PTPRO: variants seen among roughly 807,000 people sequenced by gnomAD.
PTPRO encodes receptor-type tyrosine-protein phosphatase O.
A neutral mutation model predicts 145.2 loss-of-function variants in PTPRO; 62 were observed. The observed-to-expected ratio is 0.43, with a 90% CI of 0.35 to 0.53. The LOEUF is 0.53. PTPRO is among the 20% of genes least tolerant of loss of function. The pLI is 0.01. For synonymous variants in PTPRO, 565 were observed against 514.7 expected (o/e 1.10, Z -1.32); for missense variants, 1,345 against 1,482.7 (o/e 0.91, Z 1.53).
At chr12:15,393,624 T>C (rs1303395081) in intron 1 of PTPRO, among the ~76,000 whole-genome samples, 1 of 146,342 alleles carries the variant, frequency 6.8e-6, no homozygotes, top group Admixed American at 6.8e-5. Context: ...TCTAGTACAC[T>C]AGGATTTTTT....
chr12:15,516,938 T>A lies in PTPRO; in HGVS notation c.1761T>A (p.Val587=). ...WTTYYEIAAT[V]SLTASVRIAN... is the part of the protein sequence containing the mutation. ...CCTACTATGAAATAGCAGCAACTGT[T>A]TCCTTAACTGCATCCGTGGTAATCT... The change falls in exon 9 of 27, where the codon GTT becomes GTA. Residue 587 remains valine (V), a synonymous_variant. Transcript: ENST00000281171. The A allele has an allele frequency of 1.9e-6, 3 of 1,613,732 alleles. No homozygotes were observed. Among genetic ancestry groups the A allele is most frequent in the Non-Finnish European group, 2.5e-6 (3 of 1,179,578 alleles).
intron 1 of PTPRO, among the ~76,000 whole-genome samples, chr12:15,413,303 C>T (rs1939853896): frequency 6.6e-6 from 1 of 152,010 alleles, no homozygotes; most frequent in African/African-American, 2.4e-5. Context: ...CACCATGTTG[C>T]TCAGGCTGGT....
chr12:15,368,074 G>A (rs1361152316), intron 1 of PTPRO, among the ~76,000 whole-genome samples: 1 of 152,286 alleles, frequency 6.6e-6, no homozygotes, highest in East Asian at 1.9e-4. Context: ...TTCCCATTCA[G>A]GGGAAATGTC....
intron 1 of PTPRO, among the ~76,000 whole-genome samples, chr12:15,435,152 A>G (rs1032381579): frequency 1.3e-5 from 2 of 152,186 alleles, no homozygotes; most frequent in African/African-American, 2.4e-5. Flanking sequence ...TGTGGGCAAG[A>G]GGCTGGTATA....
chr12:15,453,533 C>T (rs1267478505), intron 1 of PTPRO, among the ~76,000 whole-genome samples: 7 of 152,134 alleles, frequency 4.6e-5, no homozygotes, highest in African/African-American at 7.2e-5. Flanking sequence ...TGAACAAATA[C>T]ACTTTTCTAT....
At chr12:15,394,806 A>G (rs1331758822) in intron 1 of PTPRO, among the ~76,000 whole-genome samples, 1 of 152,194 alleles carries the variant, frequency 6.6e-6, no homozygotes, top group African/African-American at 2.4e-5. Flanking sequence ...CAAATTATAT[A>G]TTTAGGTACC....
intron 7 of PTPRO, among the ~76,000 whole-genome samples, chr12:15,510,296 T>C (rs1021337354): frequency 6.6e-6 from 1 of 152,200 alleles, no homozygotes; most frequent in African/African-American, 2.4e-5. Context: ...GGAATAAATA[T>C]GCTAAACCGA....
At chr12:15,559,852 A>G (rs1018334543) in intron 16 of PTPRO, among the ~76,000 whole-genome samples, 3 of 152,186 alleles carry the variant, frequency 2.0e-5, no homozygotes, top group Non-Finnish European at 2.9e-5. Context: ...ATAATATCCA[A>G]GAATAAGCTT....
intron 1 of PTPRO, among the ~76,000 whole-genome samples, chr12:15,387,544 T>C (rs1409861564): frequency 1.3e-5 from 2 of 152,184 alleles, no homozygotes; most frequent in Non-Finnish European, 2.9e-5. Flanking sequence ...GAAGTCCTCC[T>C]TGATGTCTTC....
chr12:15,458,118 G>T (rs777466678), intron 1 of PTPRO, among the ~76,000 whole-genome samples: 1 of 152,044 alleles, frequency 6.6e-6, no homozygotes, highest in Admixed American at 6.6e-5. Flanking sequence ...TGATGGTGTT[G>T]GCCATATATA....
intron 15 of PTPRO, 152 bp from the exon 16 acceptor site, chr12:15,557,303 T>C: frequency 2.8e-6 from 2 of 714,712 alleles, no homozygotes; most frequent in Non-Finnish European, 4.9e-6. Flanking sequence ...GTACTGGGAT[T>C]ACAGGCGTGA....
chr12:15,453,574 T>G (rs930510910), intron 1 of PTPRO, among the ~76,000 whole-genome samples: 2 of 152,192 alleles, frequency 1.3e-5, no homozygotes, highest in African/African-American at 4.8e-5. Flanking sequence ...TACTACCTTG[T>G]TTTTTATTGT....
chr12:15,386,907 G>C (rs1010474610), intron 1 of PTPRO, among the ~76,000 whole-genome samples: 10 of 152,154 alleles, frequency 6.6e-5, no homozygotes, highest in African/African-American at 1.9e-4. Context: ...CTCCAAAACT[G>C]CTTGCAGAAA....
intron 1 of PTPRO, among the ~76,000 whole-genome samples, chr12:15,375,599 T>C (rs2136266683): frequency 6.6e-6 from 1 of 151,596 alleles, no homozygotes; most frequent in East Asian, 2.0e-4. Context: ...TTACTAAAAA[T>C]ACAAAAATTA....
intron 1 of PTPRO, among the ~76,000 whole-genome samples, chr12:15,480,877 C>T (rs913246831): frequency 1.3e-5 from 2 of 152,144 alleles, no homozygotes; most frequent in African/African-American, 2.4e-5. Context: ...GTGTCAACTG[C>T]CCTCCAAAAT....
intron 12 of PTPRO, among the ~76,000 whole-genome samples, chr12:15,538,563 T>A (rs1943115170): frequency 6.6e-6 from 1 of 152,164 alleles, no homozygotes; most frequent in Non-Finnish European, 1.5e-5. Flanking sequence ...CTGCCCATCA[T>A]AAGGTACTGC....
intron 21 of PTPRO, among the ~76,000 whole-genome samples, chr12:15,580,363 T>C (rs1944284278): frequency 6.6e-6 from 1 of 152,246 alleles, no homozygotes; most frequent in Non-Finnish European, 1.5e-5. Context: ...ATCACCTCTC[T>C]TATGTTTAAA....
chr12:15,367,367 GGAA>G (rs1264326748), intron 1 of PTPRO, among the ~76,000 whole-genome samples: 2 of 152,110 alleles, frequency 1.3e-5, no homozygotes, highest in East Asian at 1.9e-4. Context: ...GAAAAAAGAG[GGAA>G]GAAGATTTCA....
chr12:15,589,495 A>C lies in PTPRO; in HGVS notation c.3451A>C (p.Arg1151=). Residue 1151 remains arginine, a synonymous_variant, in exon 25 of 27, where the codon AGG becomes CGG. Transcript: ENST00000281171. ...GACAGGAACATTCATTGCCCTGGAC[A>C]GGCTCTTGCAGCACATTCGGGATCA... is the stretch of plus-strand genomic sequence containing the variant. ...GRTGTFIALD[R]LLQHIRDHEF... is the part of the protein sequence containing the mutation. 6.2e-7 allele frequency: 1 copy of C among 1,614,144 alleles called. No homozygotes were observed. The highest frequency in any genetic ancestry group is 1.1e-5 in the South Asian group (1 of 91,074).
Sources: gnomAD v4.1 joint callset for allele counts (sites outside exome capture counted in the v4.1 genomes callset) on GRCh38, gnomAD v4.1.1 for gene constraint, MANE v1.5 for transcripts, NCBI Gene and HGNC (gene_info 2026-07-23, HGNC 2026-07-21) for gene names.